Variants in RARB observed in about 807,000 individuals in gnomAD.
The protein encoded by RARB is retinoic acid receptor beta.
A neutral mutation model predicts 51.9 loss-of-function variants in RARB; 17 were observed. The ratio of observed to expected loss-of-function variants is 0.33; its 90% CI spans 0.22 to 0.49. RARB has a LOEUF of 0.49. Among genes scored for constraint, RARB ranks in the 20% least tolerant of loss-of-function variants. The pLI, the probability that RARB is intolerant of heterozygous loss-of-function variation, is 0.99. For missense variants in RARB, 369 were observed against 550.8 expected, an observed-to-expected ratio of 0.67 and a Z score of 3.30; for synonymous variants, 215 against 195.4, an observed-to-expected ratio of 1.10 and a Z score of -0.84.
At chr3:25,170,005 AAAAGAAAG>A (rs765715170) in intron 4 of RARB, among the ~76,000 whole-genome samples, 1 of 88,678 alleles carries the variant, frequency 1.1e-5, no homozygotes, top group Non-Finnish European at 2.5e-5. Flanking sequence ...AAAAAAAAAA[AAAAGAAAG>A]AAAAAAAAAA....
chr3:25,345,353 G>A (rs189313099), intron 5 of RARB, among the ~76,000 whole-genome samples: 1 of 151,982 alleles, frequency 6.6e-6, no homozygotes, highest in African/African-American at 2.4e-5. Context: ...CATAATATTG[G>A]CAAATAGAGT....
At chr3:25,270,353 C>T (rs1274596000) in intron 5 of RARB, among the ~76,000 whole-genome samples, 1 of 152,056 alleles carries the variant, frequency 6.6e-6, no homozygotes, top group African/African-American at 2.4e-5. Context: ...ACCTTAAGGA[C>T]ATTAAGTGAA....
At chr3:25,406,459 C>T (rs1210738720) in intron 5 of RARB, among the ~76,000 whole-genome samples, 1 of 152,182 alleles carries the variant, frequency 6.6e-6, no homozygotes, top group Non-Finnish European at 1.5e-5. Context: ...TCCTGAGACC[C>T]TTCTCCTTGG....
At chr3:25,143,409 T>C (rs529609346) in intron 4 of RARB, among the ~76,000 whole-genome samples, 30 of 152,166 alleles carry the variant, frequency 2.0e-4, no homozygotes, top group Non-Finnish European at 4.1e-4. Flanking sequence ...TTAGCCAAGC[T>C]GTGTAATTTA....
At chr3:24,999,279 C>A (rs1697108443) in intron 2 of RARB, among the ~76,000 whole-genome samples, 1 of 152,116 alleles carries the variant, frequency 6.6e-6, no homozygotes, top group Non-Finnish European at 1.5e-5. Context: ...TAAATCTCAC[C>A]TTTGCCACAC....
intron 2 of RARB, among the ~76,000 whole-genome samples, chr3:24,952,772 A>G (rs527673516): frequency 1.5e-3 from 226 of 152,168 alleles, no homozygotes; most frequent in Admixed American, 3.7e-3. Flanking sequence ...ATTCATTACA[A>G]AAACATCAAA....
At position 25,018,995 on chromosome 3, in the gene RARB, G is replaced by A. The variant is rs542825951; in HGVS notation, c.-379-41130G>A. 1.6e-4 allele frequency among the ~76,000 whole-genome samples: 25 copies of A among 152,258 alleles called. 2 individuals carry two copies. The South Asian group carries it at 5.2e-3, about 32-fold the overall frequency. ...TTAAGGATGTTCACATTTGTGATTG[G>A]CTTGAAATTATAGCCTGTTTAAGCC... On this transcript the variant is annotated intron_variant, in intron 2 of 11. Transcript: ENST00000383772.
At chr3:25,267,474 T>C (rs955322235) in intron 5 of RARB, among the ~76,000 whole-genome samples, 3 of 152,202 alleles carry the variant, frequency 2.0e-5, no homozygotes, top group Non-Finnish European at 4.4e-5. Flanking sequence ...TTTTAGTCTT[T>C]TCTGAGTTTA....
chr3:24,966,566 C>G (rs1346775507), intron 2 of RARB, among the ~76,000 whole-genome samples: 1 of 151,276 alleles, frequency 6.6e-6, no homozygotes, highest in Non-Finnish European at 1.5e-5. Flanking sequence ...TGTCAAAGGT[C>G]ATTTCTACCA....
chr3:24,969,851 T>C (rs1020356391), intron 2 of RARB, among the ~76,000 whole-genome samples: 1 of 152,120 alleles, frequency 6.6e-6, no homozygotes, highest in African/African-American at 2.4e-5. Context: ...AAATATACTT[T>C]TAGCTATGTA....
intron 5 of RARB, among the ~76,000 whole-genome samples, chr3:25,591,632 ATATAC>A (rs1701617752): frequency 6.6e-6 from 1 of 152,238 alleles, no homozygotes; most frequent in African/African-American, 2.4e-5. Flanking sequence ...AGGAGAAATA[ATATAC>A]TAGTGTTTAG....
At chr3:24,992,642 G>A (rs895172018) in intron 2 of RARB, among the ~76,000 whole-genome samples, 2 of 152,166 alleles carry the variant, frequency 1.3e-5, no homozygotes, top group South Asian at 2.1e-4. Context: ...AAATCCAGCA[G>A]GAATGGTTTC....
intron 5 of RARB, among the ~76,000 whole-genome samples, chr3:25,181,121 A>G (rs971472506): frequency 8.5e-5 from 13 of 152,112 alleles, no homozygotes; most frequent in African/African-American, 2.9e-4. Flanking sequence ...TTGAGGGGAC[A>G]CACAGGTTTT....
At chr3:24,865,423 C>A (rs1702828332) in intron 2 of RARB, among the ~76,000 whole-genome samples, 1 of 152,068 alleles carries the variant, frequency 6.6e-6, no homozygotes, top group East Asian at 1.9e-4. Context: ...TCATTGAATC[C>A]TCACAATACC....
intron 5 of RARB, among the ~76,000 whole-genome samples, chr3:25,249,375 A>G (rs1702647800): frequency 6.6e-6 from 1 of 151,990 alleles, no homozygotes; most frequent in African/African-American, 2.4e-5. Flanking sequence ...GTGTTCTCTT[A>G]TATCCCACTG....
At chr3:25,477,302 G>A (rs1327445500) in intron 2 of RARB, among the ~76,000 whole-genome samples, 1 of 152,186 alleles carries the variant, frequency 6.6e-6, no homozygotes, top group African/African-American at 2.4e-5. Flanking sequence ...CTGCTCTTGG[G>A]CATGGGGTAG....
intron 1 of RARB, among the ~76,000 whole-genome samples, chr3:24,851,939 T>C (rs1330067958): frequency 1.3e-5 from 2 of 152,216 alleles, no homozygotes; most frequent in Admixed American, 1.3e-4. Context: ...AGTAGAAATA[T>C]CTTGGCCATG....
rs575715297 is a variant in RARB, at chr3:24,946,788, C to T, written c.-380+88036C>T. Among the ~76,000 whole-genome samples, 10 of 152,162 alleles carry T rather than the reference C, an allele frequency of 6.6e-5. No individual in the cohort carries two copies. In the South Asian group the frequency reaches 1.0e-3, roughly 16 times the overall value. ...ACTGAGGTGGGAAGATCATTTGAAC[C>T]GGGAGGGTCAAGGCTGCAGTGAGCA... On this transcript the variant is annotated intron_variant, in intron 2 of 11. Transcript: ENST00000383772.
intron 2 of RARB, among the ~76,000 whole-genome samples, chr3:24,950,129 A>AC (rs1383671664): frequency 1.3e-5 from 2 of 151,998 alleles, no homozygotes; most frequent in Non-Finnish European, 2.9e-5. Flanking sequence ...TTTATGGGAG[A>AC]CCTCTCATTT....
Sources: gnomAD v4.1 joint callset for allele counts (sites outside exome capture counted in the v4.1 genomes callset) on GRCh38, gnomAD v4.1.1 for gene constraint, MANE v1.5 for transcripts, NCBI Gene and HGNC (gene_info 2026-07-23, HGNC 2026-07-21) for gene names.